Variants in ACOT1 observed in about 807,000 individuals in gnomAD.
ACOT1 encodes acyl-coenzyme A thioesterase 1.
Under a neutral mutation model 15.7 loss-of-function variants are expected in ACOT1, and 8 were observed. The ratio of observed to expected loss-of-function variants is 0.51; its 90% CI spans 0.30 to 0.92. The LOEUF (loss-of-function observed/expected upper bound fraction) is 0.92. Among genes scored for constraint, ACOT1 ranks in the 40% least tolerant of loss-of-function variants. ACOT1 has a pLI of 0.06. For missense variants in ACOT1, 151 were observed against 539.4 expected, an observed-to-expected ratio of 0.28 and a Z score of 7.13; for synonymous variants, 67 against 241.2, an observed-to-expected ratio of 0.28 and a Z score of 6.69.
chr14:73,536,892 T>C (rs1341723052), upstream of ACOT1, among the ~76,000 whole-genome samples: 3 of 114,914 alleles, frequency 2.6e-5, no homozygotes, highest in African/African-American at 8.5e-5. Flanking sequence ...GTGTGAATTA[T>C]TCAACAAAGT....
chr14:73,495,852 G>T, the ACOT1 span, among the ~76,000 whole-genome samples: 2 of 152,144 alleles, frequency 1.3e-5, no homozygotes, highest in South Asian at 4.1e-4. Flanking sequence ...TCCAGGCCAG[G>T]CATGATGGCT....
At chr14:73,500,583 C>T in the ACOT1 span, 2 of 1,613,636 alleles carry the variant, frequency 1.2e-6, no homozygotes, top group Non-Finnish European at 1.7e-6. Context: ...CACCAGCTGC[C>T]AAACAGGCTG....
chr14:73,526,160 G>C, the ACOT1 span, among the ~76,000 whole-genome samples: 1 of 152,138 alleles, frequency 6.6e-6, no homozygotes, highest in Non-Finnish European at 1.5e-5. Context: ...GTGGGATTTT[G>C]CATTGGAACT....
At chr14:73,510,415 G>A in the ACOT1 span, among the ~76,000 whole-genome samples, 1 of 150,714 alleles carries the variant, frequency 6.6e-6, no homozygotes. Flanking sequence ...CATCCCTGTT[G>A]GCTGGAGTTT....
At chr14:73,499,209 G>T in the ACOT1 span, 1 of 1,305,690 alleles carries the variant, frequency 7.7e-7, no homozygotes, top group Non-Finnish European at 1.1e-6. Flanking sequence ...AGCTGGGTGC[G>T]GTGGTGCACC....
At chr14:73,491,537 A>C in the ACOT1 span, 3 of 1,530,554 alleles carry the variant, frequency 2.0e-6, no homozygotes, top group South Asian at 3.6e-5. Flanking sequence ...GCAGGTGGAT[A>C]ACACGGGTGG....
At chr14:73,513,971 G>A in the ACOT1 span, 1 of 1,522,570 alleles carries the variant, frequency 6.6e-7, no homozygotes, top group Non-Finnish European at 9.1e-7. Context: ...AGAAAGCCTA[G>A]TCCCAGATGA....
chr14:73,529,206 T>G, the ACOT1 span: 1 of 151,880 alleles, frequency 6.6e-6, no homozygotes, highest in South Asian at 2.1e-4. Flanking sequence ...ATACAAAAAA[T>G]TAGCCAGGCG....
At chr14:73,508,691 G>A in the ACOT1 span, among the ~76,000 whole-genome samples, 1 of 143,874 alleles carries the variant, frequency 7.0e-6, no homozygotes, top group Non-Finnish European at 1.5e-5. Context: ...GGAGGTTGCA[G>A]TGTGAGCTGA....
At chr14:73,511,552 TAAATAAATAAATA>T in the ACOT1 span, among the ~76,000 whole-genome samples, 5,683 of 128,388 alleles carry the variant, frequency 0.044, 294 homozygotes, top group East Asian at 0.24. Flanking sequence ...AATAAATAAA[TAAATAAATAAATA>T]AAATAAAATA....
chr14:73,542,854 T>C (rs1374381371), intron 2 of ACOT1, among the ~76,000 whole-genome samples, 196 bp from the exon 3 acceptor site: 3 of 112,118 alleles, frequency 2.7e-5, no homozygotes, highest in African/African-American at 9.1e-5. Context: ...CACATGGTTA[T>C]CACCAAGAGT....
chr14:73,493,510 C>T, the ACOT1 span: 1 of 207,426 alleles, frequency 4.8e-6, no homozygotes, highest in African/African-American at 2.4e-5. Flanking sequence ...GTGGTTGTAG[C>T]ATGTAAAAGG....
the ACOT1 span, chr14:73,509,421 A>C: frequency 3.1e-6 from 5 of 1,613,970 alleles, no homozygotes; most frequent in South Asian, 5.5e-5. Context: ...TGTCACAAAG[A>C]GCAGCCTCTA....
chr14:73,533,206 C>T (rs1888761508), upstream of ACOT1, among the ~76,000 whole-genome samples: 2 of 113,696 alleles, frequency 1.8e-5, 1 homozygote, highest in African/African-American at 5.7e-5. Context: ...AATTCTACTT[C>T]TGGGTACATA....
At chr14:73,491,272 G>A in the ACOT1 span, 13 of 1,569,434 alleles carry the variant, frequency 8.3e-6, no homozygotes, top group East Asian at 2.8e-4. Flanking sequence ...GGGCGGCGGT[G>A]GCGGCCGTCC....
chr14:73,509,907 T>A, the ACOT1 span, among the ~76,000 whole-genome samples: 1 of 144,022 alleles, frequency 6.9e-6, no homozygotes, highest in Non-Finnish European at 1.5e-5. Flanking sequence ...GGAGTCTTGT[T>A]CTGTCACCTG....
At chr14:73,508,875 T>C in the ACOT1 span, among the ~76,000 whole-genome samples, 5 of 152,006 alleles carry the variant, frequency 3.3e-5, no homozygotes, top group Non-Finnish European at 7.4e-5. Flanking sequence ...AGACAGGGTC[T>C]TGCTCTGTCA....
At chr14:73,491,253 T>A in the ACOT1 span, 1 of 1,581,214 alleles carries the variant, frequency 6.3e-7, no homozygotes, top group Non-Finnish European at 8.6e-7. Context: ...GGGGACGCGC[T>A]ACCCGGTGGG....
At chr14:73,522,252 T>G in the ACOT1 span, 8 of 1,604,796 alleles carry the variant, frequency 5.0e-6, no homozygotes, top group Non-Finnish European at 6.8e-6. Context: ...AAGGTGCACT[T>G]GAGGCCCTGG....
Sources: allele counts gnomAD v4.1 joint callset (sites outside exome capture counted in the v4.1 genomes callset), GRCh38; gene constraint gnomAD v4.1.1; transcripts MANE v1.5; gene names NCBI Gene and HGNC (gene_info 2026-07-23, HGNC 2026-07-21).